SANBR: variants seen among roughly 807,000 people sequenced by gnomAD.
The protein encoded by SANBR is SANT and BTB domain regulator of class switch recombination.
SANBR carries 77 observed loss-of-function variants against 101.8 expected under a neutral mutation model. The ratio of observed to expected loss-of-function variants is 0.76; its 90% CI spans 0.63 to 0.91. SANBR has a LOEUF of 0.91. Among genes scored for constraint, SANBR ranks in the 40% least tolerant of loss-of-function variants. The pLI, the probability that SANBR is intolerant of heterozygous loss-of-function variation, is 0.00. For synonymous variants in SANBR, 279 were observed against 274.7 expected, an observed-to-expected ratio of 1.02 and a Z score of -0.15; for missense variants, 875 against 853.0, an observed-to-expected ratio of 1.03 and a Z score of -0.32.
rs1559141530 is a variant in SANBR, at chr2:61,118,008, T to G, written c.1940-20T>G. ...TATCATCCTTATGAAAAGTAAAGTT[T>G]ACTGTTTTTTTCCCTTCAGATCAAC... On this transcript the variant is annotated intron_variant, in intron 19 of 21. Transcript: ENST00000402291. The G allele has an allele frequency of 6.3e-7, 1 of 1,582,552 alleles. No individual in the cohort carries two copies. The highest frequency in any genetic ancestry group is 8.6e-7 in the Non-Finnish European group (1 of 1,156,304).
At chr2:61,102,856 A>G (rs1683355081) in intron 12 of SANBR, among the ~76,000 whole-genome samples, 1 of 152,060 alleles carries the variant, frequency 6.6e-6, no homozygotes, top group Non-Finnish European at 1.5e-5. Flanking sequence ...TAAAATTTAA[A>G]TGTCTGACCA....
intron 11 of SANBR, among the ~76,000 whole-genome samples, chr2:61,096,073 C>G (rs758381269): frequency 6.6e-6 from 1 of 152,116 alleles, no homozygotes; most frequent in Non-Finnish European, 1.5e-5. Flanking sequence ...GTATTTCTTA[C>G]AAACTTTCTA....
chr2:61,120,372 G>C (rs758560401), intron 20 of SANBR, among the ~76,000 whole-genome samples: 1 of 152,008 alleles, frequency 6.6e-6, no homozygotes, highest in Non-Finnish European at 1.5e-5. Context: ...TGGTGGTGCA[G>C]GCCTGTAATC....
intron 11 of SANBR, among the ~76,000 whole-genome samples, chr2:61,095,423 T>C (rs1682985865): frequency 6.6e-6 from 1 of 152,190 alleles, no homozygotes; most frequent in Non-Finnish European, 1.5e-5. Context: ...ACATCACAAT[T>C]GAAACTAACA....
intron 6 of SANBR, 105 bp downstream of exon 6, chr2:61,077,263 T>G: frequency 1.3e-6 from 1 of 762,370 alleles, no homozygotes; most frequent in South Asian, 1.6e-5. Context: ...CACCGGTGTT[T>G]ATGCTCATAT....
intron 16 of SANBR, among the ~76,000 whole-genome samples, chr2:61,111,375 A>G (rs1005699083): frequency 6.6e-6 from 1 of 152,248 alleles, no homozygotes; most frequent in African/African-American, 2.4e-5. Context: ...CCTGTGCGAC[A>G]GAGCGAGACT....
chr2:61,133,911 G>A (rs958385030), intron 20 of SANBR, among the ~76,000 whole-genome samples: 3 of 152,142 alleles, frequency 2.0e-5, no homozygotes, highest in Admixed American at 1.3e-4. Flanking sequence ...CCACTGGATT[G>A]TACCATTTAA....
chr2:61,094,062 A>C (rs144348124), intron 11 of SANBR: 17 of 982,650 alleles, frequency 1.7e-5, no homozygotes, highest in African/African-American at 5.2e-5. Flanking sequence ...CAGCTTGTCA[A>C]AATCTTCAGA....
chr2:61,101,361 G>T (rs919302247), intron 12 of SANBR, among the ~76,000 whole-genome samples: 1 of 152,098 alleles, frequency 6.6e-6, no homozygotes, highest in Non-Finnish European at 1.5e-5. Context: ...ATTTACATTT[G>T]TGGTTAGTTT....
At chr2:61,080,034 TA>T in intron 6 of SANBR, among the ~76,000 whole-genome samples, 1 of 151,060 alleles carries the variant, frequency 6.6e-6, no homozygotes. Flanking sequence ...CCGTCTCTAC[TA>T]AAAGTACAAA....
rs1240953230 is a variant in SANBR at position 61,077,072 on chromosome 2, A to C, written c.584A>C (p.His195Pro). 7 of 1,614,170 alleles carry C rather than the reference A, an allele frequency of 4.3e-6. No homozygotes were observed. The highest frequency in any genetic ancestry group is 5.9e-6 in the Non-Finnish European group (7 of 1,180,006). The part of the protein sequence containing the change: ...QRWEEVDISV[H>P]CDVHIFNWLI... ...TGGGAAGAGGTGGACATTTCAGTTC[A>C]TTGCGACGTTCACATTTTCAACTGG... The change falls in exon 6 of 22, where the codon CAT becomes CCT. Residue 195 changes from histidine (H) to proline (P), a missense_variant. His to Pro is a moderately conservative substitution (Grantham distance 77). Transcript: ENST00000402291.
At chr2:61,103,360 A>C (rs1683388571) in intron 12 of SANBR, among the ~76,000 whole-genome samples, 1 of 152,032 alleles carries the variant, frequency 6.6e-6, no homozygotes, top group African/African-American at 2.4e-5. Context: ...GCTGATCTCA[A>C]ACTCCTGGGC....
intron 21 of SANBR, chr2:61,134,339 GTAT>G: frequency 6.8e-7 from 1 of 1,462,186 alleles, no homozygotes; most frequent in South Asian, 1.4e-5. Flanking sequence ...AGAAATAACT[GTAT>G]TGTGCTTATT....
intron 13 of SANBR, among the ~76,000 whole-genome samples, chr2:61,104,230 C>G (rs1021898524): frequency 2.0e-5 from 3 of 152,126 alleles, no homozygotes; most frequent in African/African-American, 4.8e-5. Context: ...CACCTGTAAT[C>G]CCAGCACTTT....
chr2:61,123,385 T>C lies in SANBR; in HGVS notation c.*1223T>C. The C allele has an allele frequency of 1.0e-6, 1 of 984,302 alleles. No individual in the cohort carries two copies. The allele number at this position is 984,302 out of a possible 1,614,324, so 61.0% of individuals were successfully genotyped here. ...GTTTACACGTACAGAAATCATTCTT[T>C]TTAGTGAGTCTTTTAGTTGATAAAT... On this transcript the variant is annotated 3_prime_UTR_variant, in exon 22 of 22. Coordinates refer to ENST00000402291, the MANE Select transcript of SANBR (RefSeq NM_001129993.3).
rs1176317584 is a variant in SANBR, at chr2:61,112,504, TC to T, written c.1744+3209del. On this transcript the variant is annotated intron_variant, in intron 16 of 21. Coordinates refer to ENST00000402291, the MANE Select transcript of SANBR (RefSeq NM_001129993.3). ...TTGCCTTTTAATTTTCTTTTTTTTT[TC>T]TTTTTTTTTGAGATAGAGTCTTGTT... Among the ~76,000 whole-genome samples, 379 of 152,096 alleles carry T rather than the reference TC, an allele frequency of 2.5e-3. 1 individual carries two copies. Among genetic ancestry groups the T allele is most frequent in the African/African-American group, 8.5e-3 (353 of 41,442 alleles).
chr2:61,133,575 A>C (rs748581882), intron 20 of SANBR, among the ~76,000 whole-genome samples: 2 of 152,224 alleles, frequency 1.3e-5, no homozygotes, highest in Non-Finnish European at 2.9e-5. Flanking sequence ...CAACATACCG[A>C]GACCCTATCT....
At chr2:61,082,182 A>G (rs999463579) in intron 7 of SANBR, among the ~76,000 whole-genome samples, 3 of 152,102 alleles carry the variant, frequency 2.0e-5, no homozygotes, top group African/African-American at 7.2e-5. Context: ...TATTCTTTCT[A>G]CTCCTTAGCT....
chr2:61,076,282 C>T (rs1369450688), intron 5 of SANBR, among the ~76,000 whole-genome samples: 1 of 150,160 alleles, frequency 6.7e-6, no homozygotes, highest in African/African-American at 2.4e-5. Flanking sequence ...TGTGAGCCAC[C>T]GTGTGCGGCC....
Sources: gnomAD v4.1 joint callset for allele counts (sites outside exome capture counted in the v4.1 genomes callset) on GRCh38, gnomAD v4.1.1 for gene constraint, MANE v1.5 for transcripts, NCBI Gene and HGNC (gene_info 2026-07-23, HGNC 2026-07-21) for gene names.